Variants in XKR4 observed in about 807,000 individuals in gnomAD.
XKR4 encodes the protein XK related 4.
Under a neutral mutation model 53.9 loss-of-function variants are expected in XKR4, and 12 were observed. The observed-to-expected ratio is 0.22, with a 90% CI of 0.14 to 0.36. XKR4 has a LOEUF of 0.36. XKR4 is among the 10% of genes least tolerant of loss of function. The pLI, the probability that XKR4 is intolerant of heterozygous loss-of-function variation, is 1.00. For synonymous variants in XKR4, 354 were observed against 362.4 expected (o/e 0.98, Z 0.26); for missense variants, 799 against 859.5 (o/e 0.93, Z 0.88).
intron 1 of XKR4, among the ~76,000 whole-genome samples, chr8:55,193,340 C>T (rs1303314052): frequency 6.6e-6 from 1 of 152,034 alleles, no homozygotes; most frequent in Non-Finnish European, 1.5e-5. Context: ...TCCAGTCCTT[C>T]TTCCCTCCCC....
chr8:55,234,935 T>A (rs997314336), intron 1 of XKR4, among the ~76,000 whole-genome samples: 1 of 152,132 alleles, frequency 6.6e-6, no homozygotes, highest in African/African-American at 2.4e-5. Context: ...GTGTGTTCAA[T>A]GGGCAAGGGC....
At chr8:55,449,698 G>T in intron 2 of XKR4, 1 of 888,494 alleles carries the variant, frequency 1.1e-6, no homozygotes. Context: ...CCACCAGGTC[G>T]ATGACACCCT....
chr8:55,173,053 A>G (rs1485347353), intron 1 of XKR4, among the ~76,000 whole-genome samples: 3 of 152,196 alleles, frequency 2.0e-5, no homozygotes, highest in Admixed American at 6.5e-5. Context: ...TATTTGTGTT[A>G]TAGGAAATGC....
At chr8:55,158,633 T>C (rs1220698261) in intron 1 of XKR4, among the ~76,000 whole-genome samples, 1 of 152,248 alleles carries the variant, frequency 6.6e-6, no homozygotes, top group African/African-American at 2.4e-5. Flanking sequence ...TAGTTCTGTG[T>C]TATACATTTA....
rs762026404 is a variant in XKR4, at chr8:55,524,187, C to T, written c.1913C>T (p.Ala638Val). ...CCAAGGCTGCAGTACAAAGATGATG[C>T]CCTTATTCAGGAGCGGTTGGAGTAC... ...SPPRLQYKDDALIQERLEYET... is the reference protein window; with the variant it reads ...SPPRLQYKDDVLIQERLEYET... Residue 638 changes from alanine to valine, a missense_variant, in exon 3 of 3, where the codon GCC (alanine) becomes GTC (valine). Coordinates refer to ENST00000327381, the MANE Select transcript of XKR4 (RefSeq NM_052898.2). The T allele has an allele frequency of 8.7e-6, 14 of 1,614,012 alleles. No individual in the cohort carries two copies. Among genetic ancestry groups the T allele is most frequent in the South Asian group, 2.2e-5 (2 of 91,080 alleles).
intron 1 of XKR4, among the ~76,000 whole-genome samples, chr8:55,216,258 A>C (rs1817795299): frequency 6.6e-6 from 1 of 152,236 alleles, no homozygotes; most frequent in African/African-American, 2.4e-5. Context: ...ATGTATATGG[A>C]AGGGAAATGG....
intron 1 of XKR4, among the ~76,000 whole-genome samples, chr8:55,254,575 A>G (rs1818408042): frequency 6.6e-6 from 1 of 152,182 alleles, no homozygotes; most frequent in African/African-American, 2.4e-5. Flanking sequence ...TTGATAAAGG[A>G]AGCGTCGATC....
At chr8:55,464,616 G>A (rs1401730521) in intron 2 of XKR4, among the ~76,000 whole-genome samples, 1 of 152,162 alleles carries the variant, frequency 6.6e-6, no homozygotes, top group African/African-American at 2.4e-5. Flanking sequence ...ATTCAACATG[G>A]TGCTGGAAGT....
intron 2 of XKR4, among the ~76,000 whole-genome samples, chr8:55,507,096 T>C (rs1427340732): frequency 6.6e-6 from 1 of 152,206 alleles, no homozygotes; most frequent in African/African-American, 2.4e-5. Flanking sequence ...AGAATAAGCT[T>C]AATGGGGACT....
chr8:55,258,630 A>G (rs936564008), intron 1 of XKR4, among the ~76,000 whole-genome samples: 2 of 152,128 alleles, frequency 1.3e-5, no homozygotes, highest in Non-Finnish European at 2.9e-5. Flanking sequence ...ATGGGTCAAC[A>G]CTCCATACTG....
chr8:55,150,789 T>C (rs900533940), intron 1 of XKR4, among the ~76,000 whole-genome samples: 4 of 152,192 alleles, frequency 2.6e-5, no homozygotes, highest in Non-Finnish European at 4.4e-5. Context: ...GGGTAGATGA[T>C]GGTGTCTTTC....
intron 2 of XKR4, among the ~76,000 whole-genome samples, chr8:55,413,463 C>T (rs772655378): frequency 6.6e-6 from 1 of 152,120 alleles, no homozygotes; most frequent in Non-Finnish European, 1.5e-5. Flanking sequence ...TGACCTCAAG[C>T]GATCCACCTG....
At chr8:55,369,879 A>G (rs1204270184) in intron 2 of XKR4, among the ~76,000 whole-genome samples, 1 of 152,154 alleles carries the variant, frequency 6.6e-6, no homozygotes, top group Non-Finnish European at 1.5e-5. Flanking sequence ...TATAATAAAT[A>G]ATGCTATGAT....
At chr8:55,360,528 C>G (rs112430556) in intron 2 of XKR4, among the ~76,000 whole-genome samples, 11 of 152,244 alleles carry the variant, frequency 7.2e-5, no homozygotes, top group Non-Finnish European at 7.3e-5. Context: ...TGTGAAAACA[C>G]AGCCCTCTGC....
chr8:55,341,028 C>T (rs1027516186), intron 1 of XKR4, among the ~76,000 whole-genome samples: 1 of 152,112 alleles, frequency 6.6e-6, no homozygotes, highest in Non-Finnish European at 1.5e-5. Context: ...TCATGTAATA[C>T]CAATGGTACT....
intron 1 of XKR4, among the ~76,000 whole-genome samples, chr8:55,129,726 G>A (rs1192002895): frequency 1.3e-5 from 2 of 152,132 alleles, no homozygotes; most frequent in Non-Finnish European, 2.9e-5. Flanking sequence ...TATTTTACAT[G>A]AGAGAGTCTG....
At chr8:55,121,749 C>A (rs767285128) in intron 1 of XKR4, among the ~76,000 whole-genome samples, 7 of 151,702 alleles carry the variant, frequency 4.6e-5, no homozygotes, top group Admixed American at 6.6e-5. Context: ...TAAACTTGCT[C>A]AGTATAATTA....
chr8:55,193,829 G>A (rs894187186), intron 1 of XKR4, among the ~76,000 whole-genome samples: 6 of 152,204 alleles, frequency 3.9e-5, no homozygotes, highest in Non-Finnish European at 7.3e-5. Context: ...TGGGAGCTCT[G>A]GGTATGAGAT....
chr8:55,454,578 G>T, intron 2 of XKR4: 1 of 1,437,188 alleles, frequency 7.0e-7, no homozygotes, highest in South Asian at 1.2e-5. Context: ...GTGGAGTCTG[G>T]ATGACCTGCC....
Sources: allele counts gnomAD v4.1 joint callset (sites outside exome capture counted in the v4.1 genomes callset), GRCh38; gene constraint gnomAD v4.1.1; transcripts MANE v1.5; gene names NCBI Gene and HGNC (gene_info 2026-07-23, HGNC 2026-07-21).